Variants in SLC16A9 observed in about 807,000 individuals in gnomAD.
SLC16A9 encodes the protein solute carrier family 16 member 9, also known as monocarboxylate transporter 9.
Under a neutral mutation model 44.3 loss-of-function variants are expected in SLC16A9, and 26 were observed. The ratio of observed to expected loss-of-function variants is 0.59; its 90% CI spans 0.43 to 0.81. The LOEUF is 0.81. Ranked by LOEUF, SLC16A9 falls within the 40% of genes least tolerant of loss-of-function variation. The probability of loss-of-function intolerance (pLI) is 0.00; values close to 1 mark genes in which losing one functional copy is unlikely to be tolerated. For synonymous variants in SLC16A9, 230 were observed against 225.1 expected, an observed-to-expected ratio of 1.02 and a Z score of -0.19; for missense variants, 559 against 595.8, an observed-to-expected ratio of 0.94 and a Z score of 0.64.
intron 3 of SLC16A9, among the ~76,000 whole-genome samples, chr10:59,669,704 C>T (rs1839701073): frequency 6.6e-6 from 1 of 152,010 alleles, no homozygotes; most frequent in African/African-American, 2.4e-5. Flanking sequence ...AGCGTGGTGG[C>T]TTGCTCCTGT....
chr10:59,690,704 G>C (rs1486048625), intron 1 of SLC16A9, among the ~76,000 whole-genome samples: 1 of 152,024 alleles, frequency 6.6e-6, no homozygotes, highest in Non-Finnish European at 1.5e-5. Context: ...GTTTCAAGAA[G>C]TCTGTGTTTA....
At chr10:59,668,544 C>A (rs912865124) in intron 3 of SLC16A9, among the ~76,000 whole-genome samples, 5 of 152,208 alleles carry the variant, frequency 3.3e-5, no homozygotes, top group Admixed American at 3.3e-4. Context: ...TATATATTTT[C>A]AAGTCTATTC....
At chr10:59,686,571 C>A (rs566751047) in intron 1 of SLC16A9, among the ~76,000 whole-genome samples, 13 of 152,106 alleles carry the variant, frequency 8.5e-5, no homozygotes, top group African/African-American at 3.1e-4. Flanking sequence ...TAATTGGGGT[C>A]ATTTATTTGT....
At chr10:59,691,689 A>T (rs987198200) in intron 1 of SLC16A9, among the ~76,000 whole-genome samples, 1 of 152,222 alleles carries the variant, frequency 6.6e-6, no homozygotes, top group African/African-American at 2.4e-5. Flanking sequence ...AACGAAAAAG[A>T]CTATTGATGA....
intron 1 of SLC16A9, among the ~76,000 whole-genome samples, chr10:59,704,282 T>C (rs1420387443): frequency 1.3e-5 from 2 of 152,194 alleles, no homozygotes; most frequent in African/African-American, 4.8e-5. Context: ...ACACACCTAC[T>C]ACCCAACCAC....
chr10:59,707,275 G>GAGGGAAGGGAAGGGAAGGGA (rs1160399534), intron 1 of SLC16A9, among the ~76,000 whole-genome samples: 34 of 62,690 alleles, frequency 5.4e-4, no homozygotes, highest in African/African-American at 2.2e-3. Flanking sequence ...GAGGGGAGAG[G>GAGGGAAGGGAAGGGAAGGGA]AGGGAAGGGA....
intron 3 of SLC16A9, among the ~76,000 whole-genome samples, chr10:59,668,317 T>C (rs1287785926): frequency 6.6e-6 from 1 of 152,206 alleles, no homozygotes; most frequent in Non-Finnish European, 1.5e-5. Context: ...TGTTTATCCA[T>C]TCTATCTTGC....
chr10:59,670,586 C>T (rs74568705), intron 3 of SLC16A9, among the ~76,000 whole-genome samples: 4,606 of 152,242 alleles, frequency 0.03, 130 homozygotes, highest in Non-Finnish European at 0.044. Flanking sequence ...GCTAAAGAGG[C>T]CATCTAGCTC....
intron 1 of SLC16A9, among the ~76,000 whole-genome samples, chr10:59,692,729 T>C (rs1840278406): frequency 6.6e-6 from 1 of 152,202 alleles, no homozygotes; most frequent in Non-Finnish European, 1.5e-5. Context: ...ACAATGACTT[T>C]TGTCCCTCCA....
intron 1 of SLC16A9, among the ~76,000 whole-genome samples, chr10:59,703,523 A>ACT (rs1840570983): frequency 6.6e-6 from 1 of 152,216 alleles, no homozygotes; most frequent in Admixed American, 6.5e-5. Flanking sequence ...TACAGGGAGT[A>ACT]CTACCATATG....
chr10:59,663,107 C>T (rs962429845), intron 4 of SLC16A9, among the ~76,000 whole-genome samples: 1 of 152,042 alleles, frequency 6.6e-6, no homozygotes, highest in Non-Finnish European at 1.5e-5. Context: ...CGCCTGTAAT[C>T]CCAGCACTTT....
intron 1 of SLC16A9, among the ~76,000 whole-genome samples, chr10:59,691,227 T>C (rs528756905): frequency 1.3e-5 from 2 of 152,276 alleles, no homozygotes; most frequent in East Asian, 3.9e-4. Flanking sequence ...TTCTAAGAAA[T>C]AGATATTGTA....
At chr10:59,678,161 A>G (rs866255486) in intron 2 of SLC16A9, among the ~76,000 whole-genome samples, 1 of 151,742 alleles carries the variant, frequency 6.6e-6, no homozygotes, top group Non-Finnish European at 1.5e-5. Context: ...CAGTGAATAC[A>G]TAAGTTGGCT....
intron 1 of SLC16A9, among the ~76,000 whole-genome samples, chr10:59,708,990 T>A (rs1382903189): frequency 6.6e-6 from 1 of 152,084 alleles, no homozygotes; most frequent in African/African-American, 2.4e-5. Context: ...AGGTCAGGAG[T>A]ACCCGCGGCG....
chr10:59,703,116 C>T (rs1415238995), intron 1 of SLC16A9, among the ~76,000 whole-genome samples: 2 of 152,200 alleles, frequency 1.3e-5, no homozygotes, highest in Non-Finnish European at 2.9e-5. Flanking sequence ...AGGTAATTAA[C>T]TTCTGGAGCC....
rs1055605073 is a variant in SLC16A9 at position 59,652,654 on chromosome 10, A to C, written c.*118T>G. 1.2e-6 allele frequency: 1 copy of C among 845,536 alleles called. No individual in the cohort carries two copies. The highest frequency in any genetic ancestry group is 1.7e-5 in the African/African-American group (1 of 57,316). The allele number at this position is 845,536 out of a possible 1,614,324, so 52.4% of individuals were successfully genotyped here. A position where few individuals can be genotyped will look rare whatever the true frequency, so the allele number is the denominator to read the frequency against. ...AAAAATAATTCATTCAGAGTCAGTCATTGTGAAATTTTGCTATGAGAAAAT... is the reference window on the plus strand; with the variant it reads ...AAAAATAATTCATTCAGAGTCAGTCCTTGTGAAATTTTGCTATGAGAAAAT... On this transcript the variant is annotated 3_prime_UTR_variant, in exon 6 of 6. Transcript: ENST00000395348.
intron 3 of SLC16A9, among the ~76,000 whole-genome samples, chr10:59,665,425 T>C (rs894730139): frequency 2.6e-5 from 4 of 152,186 alleles, no homozygotes; most frequent in African/African-American, 9.7e-5. Flanking sequence ...TTTTAGGAAA[T>C]CAGCACTTAA....
At chr10:59,699,966 C>T (rs1840487689) in intron 1 of SLC16A9, among the ~76,000 whole-genome samples, 1 of 151,928 alleles carries the variant, frequency 6.6e-6, no homozygotes, top group African/African-American at 2.4e-5. Context: ...TCTCTCCCCC[C>T]ACCCAAAAAT....
intron 1 of SLC16A9, among the ~76,000 whole-genome samples, chr10:59,699,110 C>G (rs1840465133): frequency 1.3e-5 from 2 of 152,320 alleles, no homozygotes; most frequent in East Asian, 1.9e-4. Flanking sequence ...TCTGCTTTAT[C>G]CGCAGTCCCC....
Sources: allele counts gnomAD v4.1 joint callset (sites outside exome capture counted in the v4.1 genomes callset), GRCh38; gene constraint gnomAD v4.1.1; transcripts MANE v1.5; gene names NCBI Gene and HGNC (gene_info 2026-07-23, HGNC 2026-07-21).